The following CRHBP variants were observed in gnomAD, a reference collection of about 807,000 sequenced individuals.
CRHBP encodes the protein corticotropin releasing hormone binding protein, also known as corticotropin-releasing hormone-binding protein.
A neutral mutation model predicts 34.9 loss-of-function variants in CRHBP; 19 were observed. The observed-to-expected ratio is 0.55, with a 90% CI of 0.38 to 0.80. The LOEUF is 0.80. Among genes scored for constraint, CRHBP ranks in the 30% least tolerant of loss-of-function variants. The probability of loss-of-function intolerance (pLI) is 0.00; values close to 1 mark genes in which losing one functional copy is unlikely to be tolerated. For synonymous variants in CRHBP, 154 were observed against 153.4 expected (o/e 1.00, Z -0.03); for missense variants, 328 against 409.2 (o/e 0.80, Z 1.71).
intron 3 of CRHBP, among the ~76,000 whole-genome samples, chr5:76,978,097 C>T (rs907276617): frequency 6.6e-6 from 1 of 152,016 alleles, no homozygotes; most frequent in African/African-American, 2.4e-5. Context: ...AAGTTGGAAG[C>T]TAGCAGAGGT....
chr5:76,969,934 CTTTTTTTTTTTTTTTTTTT>C (rs201228247), downstream of CRHBP, among the ~76,000 whole-genome samples: 1 of 61,628 alleles, frequency 1.6e-5, no homozygotes, highest in Non-Finnish European at 2.9e-5. Flanking sequence ...AAAGAAAATT[CTTTTTTTTTTTTTTTTTTT>C]TTTTTTTTTT....
In CRHBP at chr5:76,958,555, C is replaced by A. The variant is rs1745726063; in HGVS notation, c.545-186C>A. 8.7e-6 allele frequency: 5 copies of A among 574,592 alleles called. No individual in the cohort carries two copies. The Admixed American group carries it at 1.3e-4, about 15-fold the overall frequency. The allele number at this position is 574,592 out of a possible 1,614,324, so 35.6% of individuals were successfully genotyped here. ...GGGCCTCCTGACAATATCCACGTGT[C>A]ACTGATGGTTTTTGTTCCCCAAATC... On this transcript the variant is annotated intron_variant, in intron 4 of 6. Coordinates refer to ENST00000274368, the MANE Select transcript of CRHBP (RefSeq NM_001882.4).
chr5:76,970,266 C>T (rs1745926687), downstream of CRHBP, among the ~76,000 whole-genome samples: 1 of 152,048 alleles, frequency 6.6e-6, no homozygotes, highest in African/African-American at 2.4e-5. Context: ...TTTAAGGGAA[C>T]TCTTTACTTT....
downstream of CRHBP, among the ~76,000 whole-genome samples, chr5:76,970,558 T>C (rs1365885597): frequency 6.6e-6 from 1 of 152,208 alleles, no homozygotes; most frequent in Admixed American, 6.5e-5. Context: ...GGATGACGGA[T>C]GACTATAATT....
Position 76,953,291 on chromosome 5 carries a change from C to T in CRHBP, c.81+76C>T, listed in dbSNP as rs1268667337. On this transcript the variant is annotated intron_variant, in intron 1 of 6. Coordinates refer to ENST00000274368, the MANE Select transcript of CRHBP (RefSeq NM_001882.4). ...AGGCGGCAGGCAGGCTGCCTCTGCT[C>T]GCAGCCTTTTGGGGTTCGCTGTTTC... The T allele has an allele frequency of 2.4e-5, 33 of 1,386,466 alleles. No homozygotes were observed. The East Asian group carries it at 4.2e-4, about 18-fold the overall frequency. 85.9% of individuals were successfully genotyped at this position (1,386,466 alleles called of 1,614,324 possible).
chr5:76,954,501 G>T (rs1176451574), intron 3 of CRHBP, among the ~76,000 whole-genome samples: 1 of 131,450 alleles, frequency 7.6e-6, no homozygotes, highest in African/African-American at 2.9e-5. Context: ...AACTCGCAGC[G>T]CGGAACTCTG....
downstream of CRHBP, among the ~76,000 whole-genome samples, chr5:76,973,360 T>C (rs913152896): frequency 1.3e-5 from 2 of 152,182 alleles, no homozygotes; most frequent in African/African-American, 2.4e-5. Flanking sequence ...TAAATAGTCT[T>C]AGAACAGTGA....
intron 5 of CRHBP, among the ~76,000 whole-genome samples, chr5:76,961,909 G>A (rs1410577404): frequency 4.6e-5 from 7 of 151,848 alleles, no homozygotes; most frequent in African/African-American, 1.5e-4. Flanking sequence ...GTGTGCCACC[G>A]CGCTTGGCTA....
intron 6 of CRHBP, among the ~76,000 whole-genome samples, chr5:76,964,829 C>G (rs1325615675): frequency 2.0e-5 from 3 of 152,022 alleles, no homozygotes; most frequent in Non-Finnish European, 4.4e-5. Flanking sequence ...GCACTCCAGC[C>G]TGGATGACAG....
At chr5:76,960,512 CA>C (rs1745759931) in intron 5 of CRHBP, among the ~76,000 whole-genome samples, 1 of 152,168 alleles carries the variant, frequency 6.6e-6, no homozygotes. Context: ...TCTAAAACGT[CA>C]CTGTGGCTTC....
intron 2 of CRHBP, among the ~76,000 whole-genome samples, chr5:76,975,832 A>C (rs1309547601): frequency 4.1e-5 from 4 of 98,268 alleles, no homozygotes; most frequent in African/African-American, 1.7e-4. Context: ...AAAAATATAT[A>C]TATATATATA....
intron 2 of CRHBP, among the ~76,000 whole-genome samples, chr5:76,975,826 ATAT>A (rs1294352251): frequency 1.5e-5 from 1 of 67,890 alleles, no homozygotes; most frequent in Non-Finnish European, 2.6e-5. Context: ...AAAAAAAAAA[ATAT>A]ATATATATAT....
intron 6 of CRHBP, among the ~76,000 whole-genome samples, chr5:76,967,410 C>T (rs991342365): frequency 1.3e-5 from 2 of 151,956 alleles, no homozygotes; most frequent in African/African-American, 4.8e-5. Flanking sequence ...CATTTAAACC[C>T]AGGTATGTGT....
chr5:76,955,926 A>T, intron 4 of CRHBP, 63 bp downstream of exon 4: 1 of 1,439,674 alleles, frequency 6.9e-7, no homozygotes, highest in African/African-American at 1.4e-5. Context: ...AAGTAGTATC[A>T]TTGCACAGAC....
intron 5 of CRHBP, among the ~76,000 whole-genome samples, chr5:76,960,236 A>G (rs751171064): frequency 4.7e-4 from 72 of 152,192 alleles, no homozygotes; most frequent in Non-Finnish European, 2.2e-4. Flanking sequence ...AAACCTTTTG[A>G]GAAGTGAGAC....
intron 6 of CRHBP, among the ~76,000 whole-genome samples, chr5:76,968,384 C>T (rs979033491): frequency 6.6e-6 from 1 of 152,216 alleles, no homozygotes; most frequent in East Asian, 1.9e-4. Flanking sequence ...CAACTGTGCA[C>T]ACTCCAGACT....
At chr5:76,963,177 C>A in intron 5 of CRHBP, 166 bp from the exon 6 acceptor site, 1 of 571,378 alleles carries the variant, frequency 1.8e-6, no homozygotes, top group Non-Finnish European at 3.1e-6. Context: ...ATGATTTTTT[C>A]TCTTTTAAAT....
chr5:76,953,382 G>A, intron 1 of CRHBP, 167 bp downstream of exon 1: 1 of 822,488 alleles, frequency 1.2e-6, no homozygotes, highest in Non-Finnish European at 2.0e-6. Context: ...CCTTGCCTCT[G>A]AGCATCCCAG....
At position 76,953,688 on chromosome 5, in the gene CRHBP, G is replaced by A. The variant is rs896528286; in HGVS notation, c.169G>A (p.Ala57Thr). 1 of 1,608,316 alleles carries A rather than the reference G, an allele frequency of 6.2e-7. No homozygotes were observed. Among genetic ancestry groups the A allele is most frequent in the Non-Finnish European group, 8.5e-7 (1 of 1,177,542 alleles). ...GGCTGGGGAGCAGCCGTACCGCCGC[G>A]CTCTGCGTGAGTCGAGGCTGCCCGG... is the stretch of plus-strand genomic sequence containing the variant. ...ELAGEQPYRR[A>T]LRCLDMLSLQ... The change falls in exon 2 of 7, where the codon GCT becomes ACT. Residue 57 changes from alanine (A) to threonine (T), a missense_variant. Around this residue, in one of 3 missense-constraint regions of CRHBP, gnomAD observed 173 missense variants for 172.2 expected, o/e 1.00. Transcript: ENST00000274368.
Sources: gnomAD v4.1 joint callset for allele counts (sites outside exome capture counted in the v4.1 genomes callset) on GRCh38, gnomAD v4.1.1 for gene constraint, gnomAD v4.1.1 regional missense constraint, MANE v1.5 for transcripts, NCBI Gene and HGNC (gene_info 2026-07-23, HGNC 2026-07-21) for gene names.